ERCC8: variants seen among roughly 807,000 people sequenced by gnomAD.
ERCC8 encodes DNA excision repair protein ERCC-8.
Under a neutral mutation model 54.9 loss-of-function variants are expected in ERCC8, and 52 were observed. The observed-to-expected ratio is 0.95, with a 90% CI of 0.76 to 1.19. The LOEUF (loss-of-function observed/expected upper bound fraction) is 1.19, where lower values mean the gene tolerates loss of function less well. Ranked by LOEUF, ERCC8 falls within the 50% of genes most tolerant of loss-of-function variation. ERCC8 has a pLI of 0.00. For missense variants in ERCC8, 514 were observed against 466.1 expected, an observed-to-expected ratio of 1.10 and a Z score of -0.95; for synonymous variants, 146 against 157.2, an observed-to-expected ratio of 0.93 and a Z score of 0.53.
In ERCC8 at chr5:60,878,486, C is replaced by G. The variant is rs564764372; in HGVS notation, c.1123-3803G>C. ...TGTACCTCTGGTAGAATTCGGCTGT[C>G]AATCCATCTGGTCCTGGACTTTTTT... On this transcript the variant is annotated intron_variant, in intron 11 of 11. Transcript: ENST00000676185. Among the ~76,000 whole-genome samples, 1,108 of 152,218 alleles carry G rather than the reference C, an allele frequency of 7.3e-3. 10 individuals carry two copies. The highest frequency in any genetic ancestry group is 0.026 in the African/African-American group (1,061 of 41,540).
chr5:60,895,454 T>C (rs532856522), intron 9 of ERCC8, among the ~76,000 whole-genome samples: 95 of 152,288 alleles, frequency 6.2e-4, no homozygotes, highest in African/African-American at 2.2e-3. Context: ...TTTTTGCCCC[T>C]TATGAATAAT....
chr5:60,907,235 G>A (rs1471702929), intron 4 of ERCC8: 1 of 152,110 alleles, frequency 6.6e-6, no homozygotes, highest in Non-Finnish European at 1.5e-5. Flanking sequence ...TTTATTTCAA[G>A]GAGAAAATAG....
intron 10 of ERCC8, among the ~76,000 whole-genome samples, chr5:60,888,826 C>T (rs1748469445): frequency 6.6e-6 from 1 of 152,118 alleles, no homozygotes; most frequent in African/African-American, 2.4e-5. Flanking sequence ...AGGGTACTTC[C>T]CCTTATAGTT....
intron 2 of ERCC8, among the ~76,000 whole-genome samples, chr5:60,922,860 A>C (rs1291416523): frequency 1.3e-5 from 2 of 152,188 alleles, no homozygotes; most frequent in African/African-American, 4.8e-5. Flanking sequence ...ACAAATTATT[A>C]GTTATGATTG....
At chr5:60,878,083 G>T (rs1442747200) in intron 11 of ERCC8, among the ~76,000 whole-genome samples, 1 of 152,258 alleles carries the variant, frequency 6.6e-6, no homozygotes, top group Admixed American at 6.5e-5. Context: ...TAGCATGAAG[G>T]TTGTTGAATT....
chr5:60,912,826 C>G (rs1043733801), intron 4 of ERCC8, among the ~76,000 whole-genome samples: 1 of 151,988 alleles, frequency 6.6e-6, no homozygotes, highest in Non-Finnish European at 1.5e-5. Flanking sequence ...TGTCAAAGGC[C>G]TTTTCTGCAT....
Position 60,869,042 on chromosome 5 carries a change from T to C in ERCC8, c.*5573A>G, listed in dbSNP as rs1338868772. On this transcript the variant is annotated 3_prime_UTR_variant, in exon 12 of 12. Coordinates refer to ENST00000676185, the MANE Select transcript of ERCC8 (RefSeq NM_000082.4). ...TTTACTGCTTTAGTGATAAGTTTTT[T>C]AGTTCGGGCTCAATAATTAGCACCT... 6.6e-6 allele frequency among the ~76,000 whole-genome samples: 1 copy of C among 152,202 alleles called. No homozygotes were observed. Among genetic ancestry groups the C allele is most frequent in the Non-Finnish European group, 1.5e-5 (1 of 68,028 alleles).
At chr5:60,898,228 G>A (rs1458030776) in intron 9 of ERCC8, 48 bp downstream of exon 9, 1 of 1,572,714 alleles carries the variant, frequency 6.4e-7, no homozygotes, top group South Asian at 1.1e-5. Context: ...GTATGTCACA[G>A]ATCCATTTCT....
chr5:60,908,334 A>AG (rs1475701483), intron 4 of ERCC8, among the ~76,000 whole-genome samples: 1 of 151,944 alleles, frequency 6.6e-6, no homozygotes, highest in Non-Finnish European at 1.5e-5. Flanking sequence ...CTCAGTACAT[A>AG]GTGAGGCACA....
chr5:60,931,140 A>T (rs1749897621), intron 1 of ERCC8, among the ~76,000 whole-genome samples: 1 of 151,778 alleles, frequency 6.6e-6, no homozygotes, highest in South Asian at 2.1e-4. Context: ...AAAGCCTACT[A>T]CTCATTGTAA....
chr5:60,902,676 G>C (rs548241090), intron 6 of ERCC8, among the ~76,000 whole-genome samples, 168 bp from the exon 7 acceptor site: 1 of 151,984 alleles, frequency 6.6e-6, no homozygotes, highest in Non-Finnish European at 1.5e-5. Flanking sequence ...CTAATGTGAA[G>C]TTTACAGGGG....
intron 11 of ERCC8, among the ~76,000 whole-genome samples, chr5:60,880,400 G>T (rs1748172311): frequency 6.6e-6 from 1 of 152,138 alleles, no homozygotes; most frequent in Non-Finnish European, 1.5e-5. Context: ...TTCTGAATTT[G>T]AATGTTGGCC....
At chr5:60,878,814 A>T (rs1485591992) in intron 11 of ERCC8, among the ~76,000 whole-genome samples, 1 of 152,172 alleles carries the variant, frequency 6.6e-6, no homozygotes, top group Non-Finnish European at 1.5e-5. Context: ...CTTTTACAAA[A>T]ACCAGCTCCT....
chr5:60,874,831 A>C, intron 11 of ERCC8, 148 bp from the exon 12 acceptor site: 1 of 698,034 alleles, frequency 1.4e-6, no homozygotes, highest in Non-Finnish European at 2.4e-6. Context: ...TCAGAACAAA[A>C]ATAAGAAACA....
chr5:60,891,505 TG>T (rs1051116434), intron 9 of ERCC8, among the ~76,000 whole-genome samples: 3 of 152,052 alleles, frequency 2.0e-5, no homozygotes, highest in African/African-American at 4.8e-5. Context: ...TAATATTTTT[TG>T]GGGGGTGTAT....
Position 60,874,702 on chromosome 5 carries a change from A to C in ERCC8, c.1123-19T>G, listed in dbSNP as rs746089510. The C allele has an allele frequency of 1.3e-6, 2 of 1,582,128 alleles. No individual in the cohort carries two copies. The highest frequency in any genetic ancestry group is 4.5e-5 in the East Asian group (2 of 44,700). On this transcript the variant is annotated intron_variant, in intron 11 of 11. Coordinates refer to ENST00000676185, the MANE Select transcript of ERCC8 (RefSeq NM_000082.4). The stretch of plus-strand genomic sequence containing the variant: ...TTGTAGTCTAAAAAAAAAAAAGATA[A>C]AGAAAAAGGAAGATTCTGTTTTTTC...
At chr5:60,882,233 A>G (rs1748257947) in intron 11 of ERCC8, among the ~76,000 whole-genome samples, 1 of 152,224 alleles carries the variant, frequency 6.6e-6, no homozygotes, top group Non-Finnish European at 1.5e-5. Flanking sequence ...TTAGAATTCA[A>G]TCAATGAAAA....
At chr5:60,918,493 C>T in intron 3 of ERCC8, 105 bp from the exon 4 acceptor site, 2 of 954,492 alleles carry the variant, frequency 2.1e-6, no homozygotes, top group Non-Finnish European at 3.3e-6. Context: ...ATATGAATGG[C>T]CAAACCGAGA....
At position 60,899,690 on chromosome 5, in the gene ERCC8, C is replaced by G. The variant is rs150727525; in HGVS notation, c.655G>C (p.Ala219Pro). ...SRVKLWDVRR[A>P]SGCLITLDQH... The stretch of plus-strand genomic sequence containing the variant: ...TCAAGAGTAATCAAACATCCTGATG[C>G]TCTTCTCACATCCCATAATTTTACT... Residue 219 changes from alanine to proline, a missense_variant, in exon 8 of 12, where the codon GCA (alanine) becomes CCA (proline). Physicochemically the swap from Ala to Pro is conservative, Grantham distance 27. Transcript: ENST00000676185. 2,712 of 1,612,304 alleles carry G rather than the reference C, an allele frequency of 1.7e-3. 3 individuals carry two copies. The highest frequency in any genetic ancestry group is 1.9e-3 in the Non-Finnish European group (2,242 of 1,178,878).
Sources: allele counts gnomAD v4.1 joint callset (sites outside exome capture counted in the v4.1 genomes callset), GRCh38; gene constraint gnomAD v4.1.1; transcripts MANE v1.5; gene names NCBI Gene and HGNC (gene_info 2026-07-23, HGNC 2026-07-21).